Variants in HUNK observed in about 807,000 individuals in gnomAD.
The protein encoded by HUNK is hormonally up-regulated Neu-associated kinase.
Under a neutral mutation model 61.0 loss-of-function variants are expected in HUNK, and 21 were observed. That is an observed-to-expected ratio of 0.34 (90% confidence interval 0.24 to 0.50). HUNK has a LOEUF of 0.50. Ranked by LOEUF, HUNK falls within the 20% of genes least tolerant of loss-of-function variation. HUNK has a pLI of 0.98. For synonymous variants in HUNK, 371 were observed against 386.1 expected, an observed-to-expected ratio of 0.96 and a Z score of 0.46; for missense variants, 772 against 945.7, an observed-to-expected ratio of 0.82 and a Z score of 2.41.
chr21:31,999,342 G>A lies in HUNK; in HGVS notation c.*158G>A, dbSNP rs2070373. 0.63 allele frequency: 394,201 copies of A among 629,546 alleles called. 124,376 individuals are homozygous for A. Among genetic ancestry groups the A allele is most frequent in the South Asian group, 0.72 (26,721 of 37,342 alleles). The allele number at this position is 629,546 out of a possible 1,614,324, so 39.0% of individuals were successfully genotyped here. A position where few individuals can be genotyped will look rare whatever the true frequency, so the allele number is the denominator to read the frequency against. On this transcript the variant is annotated 3_prime_UTR_variant, in exon 11 of 11. Coordinates refer to ENST00000270112, the MANE Select transcript of HUNK (RefSeq NM_014586.2). ...CCCAAAGCCTGCACAACCCAACCTC[G>A]CTTAGGGACCCCCAGAGATGCTGGA... is the stretch of plus-strand genomic sequence containing the variant.
chr21:31,876,450 G>C (rs1003942156), intron 1 of HUNK, among the ~76,000 whole-genome samples: 1 of 152,228 alleles, frequency 6.6e-6, no homozygotes, highest in African/African-American at 2.4e-5. Flanking sequence ...GGTTTTAGCA[G>C]ATTGTGGGGA....
rs374957204 is a variant in HUNK at position 31,946,131 on chromosome 21, G to A, written c.706G>A (p.Ala236Thr). The A allele has an allele frequency of 1.1e-5, 18 of 1,613,026 alleles. No homozygotes were observed. Among genetic ancestry groups the A allele is most frequent in the Admixed American group, 1.7e-5 (1 of 59,976 alleles). The part of the protein sequence containing the change: ...SPAYAAPELL[A>T]RKKYGPKIDV... ...TGCCTACGCTGCACCTGAACTGCTC[G>A]CCAGGAAGAAATACGGCCCCAAAAT... Residue 236 changes from alanine to threonine, a missense_variant, in exon 4 of 11, where the codon GCC becomes ACC. Physicochemically the swap from Ala to Thr is moderately conservative, Grantham distance 58 (BLOSUM62 0). Coordinates refer to ENST00000270112, the MANE Select transcript of HUNK (RefSeq NM_014586.2).
intron 1 of HUNK, among the ~76,000 whole-genome samples, chr21:31,882,284 C>T (rs575126355): frequency 1.3e-5 from 2 of 152,230 alleles, no homozygotes; most frequent in African/African-American, 4.8e-5. Context: ...GGTTTTTAAT[C>T]ATCTTTGTGT....
At chr21:31,929,658 C>T (rs949359680) in intron 2 of HUNK, among the ~76,000 whole-genome samples, 3 of 152,212 alleles carry the variant, frequency 2.0e-5, no homozygotes, top group Non-Finnish European at 4.4e-5. Context: ...ACCACCATCC[C>T]TAAGCAGGAA....
intron 5 of HUNK, among the ~76,000 whole-genome samples, chr21:31,967,635 G>A (rs1009309468): frequency 1.3e-5 from 2 of 152,112 alleles, no homozygotes; most frequent in Non-Finnish European, 2.9e-5. Flanking sequence ...GCTGAGGCGG[G>A]GAGGTGGGCG....
intron 4 of HUNK, among the ~76,000 whole-genome samples, chr21:31,955,935 C>T (rs575449249): frequency 7.9e-5 from 12 of 152,256 alleles, no homozygotes; most frequent in African/African-American, 2.6e-4. Flanking sequence ...TTTGTTTTTT[C>T]CTCCCCTTAA....
intron 6 of HUNK, among the ~76,000 whole-genome samples, chr21:31,972,935 C>T (rs367833952): frequency 1.1e-4 from 17 of 152,102 alleles, no homozygotes; most frequent in East Asian, 5.8e-4. Context: ...GCCAACCGGC[C>T]GTGTGCAGTG....
In HUNK at chr21:31,999,472, T is replaced by TG; in HGVS notation, c.*294dup. The TG allele has an allele frequency of 5.2e-6, 2 of 386,634 alleles. No homozygotes were observed. Among genetic ancestry groups the TG allele is most frequent in the Non-Finnish European group, 4.6e-6 (1 of 216,522 alleles). 24.0% of individuals were successfully genotyped at this position (386,634 alleles called of 1,614,324 possible). On this transcript the variant is annotated 3_prime_UTR_variant, in exon 11 of 11. Transcript: ENST00000270112. ...TTCCACTTCCCACTTCCCCCAGGCT[T>TG]GGGGGGAAAACAGGGCATGAGCCTT...
chr21:31,925,579 A>G (rs1472887387), intron 2 of HUNK, among the ~76,000 whole-genome samples: 2 of 152,228 alleles, frequency 1.3e-5, no homozygotes, highest in African/African-American at 4.8e-5. Flanking sequence ...AAATTGAATC[A>G]CCATTCGAAT....
rs188497919 is a variant in HUNK at position 31,967,753 on chromosome 21, C to G, written c.875-497C>G. 4.0e-3 allele frequency among the ~76,000 whole-genome samples: 602 copies of G among 152,218 alleles called. 11 individuals are homozygous for G. The highest frequency in any genetic ancestry group is 0.014 in the African/African-American group (576 of 41,548). On this transcript the variant is annotated intron_variant, in intron 5 of 10. Transcript: ENST00000270112. ...CAGTTGAGAGGTCTAACTTAGGATGCCTGTACACTTCTGGCTTCTCCCTGA... is the reference window on the plus strand; with the variant it reads ...CAGTTGAGAGGTCTAACTTAGGATGGCTGTACACTTCTGGCTTCTCCCTGA...
chr21:31,967,028 T>C (rs2211678), intron 5 of HUNK, among the ~76,000 whole-genome samples: 111,596 of 152,040 alleles, frequency 0.73, 42,255 homozygotes, highest in African/African-American at 0.93. Context: ...TGTATATTCT[T>C]CTGCTGAACA....
chr21:31,912,611 G>T (rs548558210), intron 1 of HUNK, among the ~76,000 whole-genome samples: 1 of 152,010 alleles, frequency 6.6e-6, no homozygotes, highest in Non-Finnish European at 1.5e-5. Flanking sequence ...GTGTGATCAC[G>T]GCTCACTGCA....
At chr21:31,931,120 T>C (rs1299553757) in intron 2 of HUNK, among the ~76,000 whole-genome samples, 1 of 149,564 alleles carries the variant, frequency 6.7e-6, no homozygotes, top group Non-Finnish European at 1.5e-5. Context: ...GCCTGTTGCC[T>C]TGGGGAGTTA....
chr21:31,882,390 GCTT>G (rs1460257266), intron 1 of HUNK, among the ~76,000 whole-genome samples: 1 of 152,144 alleles, frequency 6.6e-6, no homozygotes, highest in African/African-American at 2.4e-5. Context: ...AGAGGTAACT[GCTT>G]CTTATCTGGG....
In HUNK at chr21:31,968,312, C is replaced by T; in HGVS notation, c.937C>T (p.Gln313Ter). ...TCCTGTGAAGAGGCCAAATATTCAG[C>T]AGGCACTGGCGAATCGCTGGCTTAA... Reference protein sequence around the residue: ...PDPVKRPNIQQALANRWLNEN... With the variant: ...PDPVKRPNIQ The change falls in exon 6 of 11, where the codon CAG (glutamine) becomes TAG (stop). Residue 313 changes from glutamine (Q) to a stop codon, truncating the protein, a stop_gained. Coordinates refer to ENST00000270112, the MANE Select transcript of HUNK (RefSeq NM_014586.2). LOFTEE classifies it high-confidence loss of function. 6.2e-7 allele frequency: 1 copy of T among 1,614,194 alleles called. No individual in the cohort carries two copies. The highest frequency in any genetic ancestry group is 1.3e-5 in the African/African-American group (1 of 75,060).
chr21:31,886,154 G>A (rs1318481034), intron 1 of HUNK, among the ~76,000 whole-genome samples: 1 of 152,174 alleles, frequency 6.6e-6, no homozygotes, highest in African/African-American at 2.4e-5. Flanking sequence ...AGGCGCAGTG[G>A]CTCACGCCTA....
intron 2 of HUNK, among the ~76,000 whole-genome samples, chr21:31,933,191 C>T (rs2052710169): frequency 6.6e-6 from 1 of 151,774 alleles, no homozygotes; most frequent in Non-Finnish European, 1.5e-5. Flanking sequence ...GGTTGGATTA[C>T]AGGTGTGGGC....
intron 2 of HUNK, among the ~76,000 whole-genome samples, chr21:31,939,410 T>TG (rs2052753887): frequency 7.1e-6 from 1 of 140,470 alleles, no homozygotes; most frequent in African/African-American, 2.7e-5. Flanking sequence ...TTTTTTTTTT[T>TG]TTTTTTTTTT....
At chr21:31,903,560 T>C (rs2052483907) in intron 1 of HUNK, among the ~76,000 whole-genome samples, 1 of 152,206 alleles carries the variant, frequency 6.6e-6, no homozygotes, top group African/African-American at 2.4e-5. Flanking sequence ...GACTAAATGA[T>C]GAATAAGAAG....
Sources: gnomAD v4.1 joint callset for allele counts (sites outside exome capture counted in the v4.1 genomes callset) on GRCh38, gnomAD v4.1.1 for gene constraint, MANE v1.5 for transcripts, NCBI Gene and HGNC (gene_info 2026-07-23, HGNC 2026-07-21) for gene names.